The following IGF2R variants were observed in gnomAD, a reference collection of about 807,000 sequenced individuals.
The protein encoded by IGF2R is insulin like growth factor 2 receptor, also known as cation-independent mannose-6-phosphate receptor.
A neutral mutation model predicts 270.6 loss-of-function variants in IGF2R; 91 were observed. The observed-to-expected ratio is 0.34, with a 90% confidence interval of 0.28 to 0.40. IGF2R has a LOEUF of 0.40. Among genes scored for constraint, IGF2R ranks in the 10% least tolerant of loss-of-function variants. The pLI is 1.00. For synonymous variants in IGF2R, 1,316 were observed against 1,258.9 expected (o/e 1.05, Z -0.96); for missense variants, 2,805 against 3,188.3 (o/e 0.88, Z 2.90).
In IGF2R at chr6:159,980,200, A is replaced by AAAGGAAGAAAGGAAGAAAGG. The variant is rs1562330468; in HGVS notation, c.149+10808_149+10809insGAAGAAAGGAAGAAAGGAAG. On this transcript the variant is annotated intron_variant, in intron 1 of 47. Transcript: ENST00000356956. ...CGTCTCAAAAAAGAAAGAAAGAAAG[A>AAAGGAAGAAAGGAAGAAAGG]AAGAAAGAAAGAAAGAAAGAAAGAA... Among the ~76,000 whole-genome samples the AAAGGAAGAAAGGAAGAAAGG allele has an allele frequency of 8.7e-5, 7 of 80,758 alleles. 1 individual carries two copies. Among genetic ancestry groups the AAAGGAAGAAAGGAAGAAAGG allele is most frequent in the Admixed American group, 4.1e-4 (3 of 7,258 alleles). The allele number at this position is 80,758 out of a possible 152,430, so 53.0% of individuals were successfully genotyped here.
chr6:160,024,790 GTT>G lies in IGF2R; in HGVS notation c.646+89_646+90del, dbSNP rs370775392. ...TCTTTGCCTTTCTACCTTTATTTCT[GTT>G]TTCACATCCATGTTTCTGATTAGGC... On this transcript the variant is annotated intron_variant, in intron 5 of 47. Coordinates refer to ENST00000356956, the MANE Select transcript of IGF2R (RefSeq NM_000876.4). The G allele has an allele frequency of 6.3e-6, 9 of 1,436,398 alleles. 1 individual carries two copies. In the African/African-American group the frequency reaches 1.3e-4, roughly 20 times the overall value. The allele number at this position is 1,436,398 out of a possible 1,614,324, so 89.0% of individuals were successfully genotyped here. A position where few individuals can be genotyped will look rare whatever the true frequency, so the allele number is the denominator to read the frequency against.
At chr6:160,072,130 T>A (rs924857325) in intron 32 of IGF2R, 94 bp downstream of exon 32, 1 of 1,540,032 alleles carries the variant, frequency 6.5e-7, no homozygotes, top group Non-Finnish European at 8.9e-7. Context: ...AAAGAGAAGC[T>A]ATGGGCAGCA....
At position 159,991,243 on chromosome 6, in the gene IGF2R, G is replaced by C. The variant is rs757915126; in HGVS notation, c.209G>C (p.Gly70Ala). The C allele has an allele frequency of 6.2e-7, 1 of 1,613,378 alleles. No homozygotes were observed. Among genetic ancestry groups the C allele is most frequent in the East Asian group, 2.2e-5 (1 of 44,876 alleles). ...GTACTTTATAAAATCAACATCTGTGGAAGTGTGGATATTGTCCAGTGCGGG... is the reference window on the plus strand; with the variant it reads ...GTACTTTATAAAATCAACATCTGTGCAAGTGTGGATATTGTCCAGTGCGGG... ...NNVLYKINIC[G>A]SVDIVQCGPS... The change falls in exon 2 of 48, where the codon GGA becomes GCA. Residue 70 changes from glycine (G) to alanine (A), a missense_variant. Physicochemically the swap from Gly to Ala is moderately conservative, Grantham distance 60. Transcript: ENST00000356956.
intron 37 of IGF2R, among the ~76,000 whole-genome samples, 186 bp from the exon 38 acceptor site, chr6:160,079,394 G>C (rs1388524417): frequency 6.6e-6 from 1 of 152,218 alleles, no homozygotes; most frequent in Non-Finnish European, 1.5e-5. Flanking sequence ...CTGGGCCTAG[G>C]GGTTGGGGGA....
At chr6:160,026,886 G>A (rs1404109135) in intron 5 of IGF2R, among the ~76,000 whole-genome samples, 1 of 152,094 alleles carries the variant, frequency 6.6e-6, no homozygotes, top group East Asian at 1.9e-4. Flanking sequence ...AGCTTGAAAG[G>A]GGATAGTGCT....
At position 159,991,197 on chromosome 6, in the gene IGF2R, G is replaced by A. The variant is rs1783973122; in HGVS notation, c.163G>A (p.Ala55Thr). 1.2e-6 allele frequency: 2 copies of A among 1,610,576 alleles called. No homozygotes were observed. Among genetic ancestry groups the A allele is most frequent in the Admixed American group, 3.4e-5 (2 of 59,562 alleles). ...FPELCSYTWE[A>T]VDTKNNVLYK... ...CTTCCTTTCCAGTTATACATGGGAAGCTGTTGATACCAAAAATAATGTACT... is the reference window on the plus strand; with the variant it reads ...CTTCCTTTCCAGTTATACATGGGAAACTGTTGATACCAAAAATAATGTACT... Residue 55 changes from alanine to threonine, a missense_variant, in exon 2 of 48, where the codon GCT becomes ACT. This residue lies in a region of IGF2R where 954 missense variants were observed against 981.1 expected (regional missense o/e 0.97). Transcript: ENST00000356956.
In IGF2R at chr6:160,084,207, C is replaced by T. The variant is rs766033432; in HGVS notation, c.6068+23C>T. 327 of 1,404,142 alleles carry T rather than the reference C, an allele frequency of 2.3e-4. No individual in the cohort carries two copies. The highest frequency in any genetic ancestry group is 2.9e-4 in the Non-Finnish European group (291 of 989,772). 87.0% of individuals were successfully genotyped at this position (1,404,142 alleles called of 1,614,324 possible). ...CTCGTGAGTGCCTTCCCAGTCCACC[C>T]GCGGCGCCACACCCTCAGCATGTGA... On this transcript the variant is annotated intron_variant, in intron 40 of 47. Coordinates refer to ENST00000356956, the MANE Select transcript of IGF2R (RefSeq NM_000876.4). This position sits in a 1 kb window ranked among gnomAD's most constrained non-coding sequence, Gnocchi z 4.6.
chr6:160,063,877 A>G (rs961005833), intron 27 of IGF2R, among the ~76,000 whole-genome samples: 8 of 152,198 alleles, frequency 5.3e-5, no homozygotes, highest in African/African-American at 1.9e-4. Context: ...CTCTAAGGTC[A>G]TATTTCTCTT....
At chr6:160,040,216 G>C (rs1308320403) in intron 10 of IGF2R, among the ~76,000 whole-genome samples, 1 of 152,132 alleles carries the variant, frequency 6.6e-6, no homozygotes, top group Non-Finnish European at 1.5e-5. Context: ...AGGAGCCTCT[G>C]GGAGCTGACC....
chr6:160,080,333 C>T (rs933145116), intron 39 of IGF2R, 58 bp downstream of exon 39: 47 of 1,534,406 alleles, frequency 3.1e-5, no homozygotes, highest in East Asian at 4.6e-5. Context: ...TGTCAAGGCT[C>T]GATTCACACT....
chr6:160,058,410 C>T (rs576515222), intron 21 of IGF2R, among the ~76,000 whole-genome samples: 19 of 152,228 alleles, frequency 1.2e-4, no homozygotes, highest in African/African-American at 4.3e-4. Context: ...ACTCATTGTC[C>T]ATTGGTCTCT....
At chr6:159,991,566 G>A (rs1783980273) in intron 2 of IGF2R, among the ~76,000 whole-genome samples, 1 of 152,204 alleles carries the variant, frequency 6.6e-6, no homozygotes, top group Non-Finnish European at 1.5e-5. Context: ...CTGTTATGAA[G>A]AATTATGTAG....
chr6:160,038,629 C>T (rs918990059), intron 10 of IGF2R, among the ~76,000 whole-genome samples: 2 of 151,922 alleles, frequency 1.3e-5, no homozygotes, highest in South Asian at 4.1e-4. Context: ...ACCTTGTGGG[C>T]GGGATGAAGA....
At position 159,971,857 on chromosome 6, in the gene IGF2R, A is replaced by G. The variant is rs543570485; in HGVS notation, c.149+2462A>G. On this transcript the variant is annotated intron_variant, in intron 1 of 47. Transcript: ENST00000356956. ...TTTTTAATAGAGATGACGTCTTGCT[A>G]TGTTGCCCAGGCTGGCCTCAAGCTC... 1.9e-3 allele frequency among the ~76,000 whole-genome samples: 283 copies of G among 152,166 alleles called. 2 individuals carry two copies. Among genetic ancestry groups the G allele is most frequent in the Non-Finnish European group, 2.5e-3 (170 of 68,002 alleles).
rs935424002 is a variant in IGF2R, at chr6:160,105,671, T to C, written c.*587T>C. The C allele has an allele frequency of 5.2e-5, 8 of 152,828 alleles. No individual in the cohort carries two copies. The highest frequency in any genetic ancestry group is 1.3e-4 in the Admixed American group (2 of 15,296). The allele number at this position is 152,828 out of a possible 1,614,324, so 9.5% of individuals were successfully genotyped here. ...GGAGCTCATTCTGTCTCTTTTCTCT[T>C]TTGCTTTCTGTTTCTTAAGGGCACA... On this transcript the variant is annotated 3_prime_UTR_variant, in exon 48 of 48. Coordinates refer to ENST00000356956, the MANE Select transcript of IGF2R (RefSeq NM_000876.4).
intron 2 of IGF2R, chr6:160,005,520 C>G (rs1310566574): frequency 6.6e-6 from 1 of 152,234 alleles, no homozygotes; most frequent in African/African-American, 2.4e-5. Flanking sequence ...TGGCCGCCAG[C>G]GTGGCCGTGC....
Position 160,103,735 on chromosome 6 carries a change from T to G in IGF2R, c.6996-11T>G, listed in dbSNP as rs1220276162. The stretch of plus-strand genomic sequence containing the variant: ...ACACTGGAGTAATTATTGTCTCCTT[T>G]TTTTTTATAGGGAAACAGTGATAAG... On this transcript the variant is annotated splice_polypyrimidine_tract_variant and intron_variant, in intron 46 of 47. Coordinates refer to ENST00000356956, the MANE Select transcript of IGF2R (RefSeq NM_000876.4). 1 of 1,604,194 alleles carries G rather than the reference T, an allele frequency of 6.2e-7. No individual in the cohort carries two copies.
In IGF2R at chr6:160,065,814, G is replaced by GTGTGTATATATATATA; in HGVS notation, c.4115+914_4115+915insGTGTATATATATATAT. Among the ~76,000 whole-genome samples the GTGTGTATATATATATA allele has an allele frequency of 2.8e-3, 220 of 78,204 alleles. 2 individuals carry two copies. The highest frequency in any genetic ancestry group is 6.2e-3 in the Middle Eastern group (1 of 162). The allele number at this position is 78,204 out of a possible 152,430, so 51.3% of individuals were successfully genotyped here. A position where few individuals can be genotyped will look rare whatever the true frequency, so the allele number is the denominator to read the frequency against. Reference sequence around the variant, plus strand: ...TGTGTGTGTGTGTGTGTGTGTGTGTGTATATATATATATATATATATATAT... The same window carrying GTGTGTATATATATATA: ...TGTGTGTGTGTGTGTGTGTGTGTGTGTGTGTATATATATATATATATATATATATATATATATATAT... On this transcript the variant is annotated intron_variant, in intron 29 of 47. Transcript: ENST00000356956.
Position 160,068,282 on chromosome 6 carries a change from C to T in IGF2R, c.4149C>T (p.Ser1383=), listed in dbSNP as rs1187171891. ...CTGGCAACTCCTTCGACCTCTCGTC[C>T]CTGTCAAGGTACAGTGACAACTGGG... is the stretch of plus-strand genomic sequence containing the variant. ...DGAGNSFDLS[S]LSRYSDNWEA... The change falls in exon 30 of 48, where the codon TCC becomes TCT. Residue 1383 remains serine, a synonymous_variant. Transcript: ENST00000356956. 14 of 1,614,186 alleles carry T rather than the reference C, an allele frequency of 8.7e-6. No homozygotes were observed. The highest frequency in any genetic ancestry group is 1.2e-5 in the Non-Finnish European group (14 of 1,180,004).
Sources: gnomAD v4.1 joint callset for allele counts (sites outside exome capture counted in the v4.1 genomes callset) on GRCh38, gnomAD v4.1.1 for gene constraint, gnomAD v4.1.1 regional missense constraint, Gnocchi (gnomAD v3.1) non-coding constraint, MANE v1.5 for transcripts, NCBI Gene and HGNC (gene_info 2026-07-23, HGNC 2026-07-21) for gene names.